The following OCIAD1 variants were observed in gnomAD, a reference collection of about 807,000 sequenced individuals.
The protein encoded by OCIAD1 is OCIA domain containing 1.
Under a neutral mutation model 38.9 loss-of-function variants are expected in OCIAD1, and 29 were observed. That is an observed-to-expected ratio of 0.74 (90% CI 0.55 to 1.02). OCIAD1 has a LOEUF of 1.02. OCIAD1 is among the 50% of genes least tolerant of loss of function. The pLI is 0.00. For missense variants in OCIAD1, 288 were observed against 289.6 expected (o/e 0.99, Z 0.04); for synonymous variants, 110 against 92.0 (o/e 1.20, Z -1.12).
intron 3 of OCIAD1, among the ~76,000 whole-genome samples, chr4:48,835,258 G>A (rs2109523338): frequency 1.3e-5 from 2 of 152,252 alleles, no homozygotes; most frequent in South Asian, 4.1e-4. Context: ...TATGTGGTGA[G>A]ACAAAGCTAA....
intron 6 of OCIAD1, 79 bp from the exon 7 acceptor site, chr4:48,851,727 G>GAAAGAAGTA: frequency 2.7e-6 from 2 of 740,116 alleles, no homozygotes; most frequent in Non-Finnish European, 4.4e-6. Context: ...TAAGCTATAT[G>GAAAGAAGTA]AAAGAAGTTA....
chr4:48,831,533 T>C, intron 1 of OCIAD1: 1 of 1,290,620 alleles, frequency 7.7e-7, no homozygotes. Flanking sequence ...TGGAGTGCGG[T>C]AATCAGCGGT....
At chr4:48,851,284 A>G (rs1321372867) in intron 6 of OCIAD1, among the ~76,000 whole-genome samples, 1 of 152,250 alleles carries the variant, frequency 6.6e-6, no homozygotes, top group Non-Finnish European at 1.5e-5. Context: ...ATTTTTCTAT[A>G]CTGACAGTGA....
At chr4:48,855,898 G>GAT (rs1470673024) in intron 7 of OCIAD1, 1 of 151,906 alleles carries the variant, frequency 6.6e-6, no homozygotes, top group African/African-American at 2.4e-5. Context: ...TATTCACTGG[G>GAT]ATCCTACCTT....
upstream of OCIAD1, among the ~76,000 whole-genome samples, chr4:48,829,665 T>G (rs1309221885): frequency 6.6e-6 from 1 of 152,194 alleles, no homozygotes; most frequent in Admixed American, 6.5e-5. Flanking sequence ...AAAAGCCACG[T>G]TGAACATCTG....
Position 48,831,159 on chromosome 4 carries a change from C to G in OCIAD1, c.-96C>G. 3.3e-6 allele frequency: 1 copy of G among 302,826 alleles called. No individual in the cohort carries two copies. The highest frequency in any genetic ancestry group is 2.7e-5 in the South Asian group (1 of 36,928). 18.8% of individuals were successfully genotyped at this position (302,826 alleles called of 1,614,324 possible). A position where few individuals can be genotyped will look rare whatever the true frequency, so the allele number is the denominator to read the frequency against. ...TCCCCGCGGTACCTTGCACTTTTCT[C>G]CCTCCCTGCCCCCTCTCGAGTCCAC... On this transcript the variant is annotated 5_prime_UTR_variant, in exon 1 of 9. Transcript: ENST00000264312.
At chr4:48,810,619 T>C (rs1400898763) in intron 1 of OCIAD1, among the ~76,000 whole-genome samples, 2 of 152,118 alleles carry the variant, frequency 1.3e-5, no homozygotes, top group African/African-American at 4.8e-5. Context: ...ATTTAGTCTT[T>C]TAGGAAATAT....
At chr4:48,856,575 G>A (rs1258904915) in intron 7 of OCIAD1, 1 of 152,132 alleles carries the variant, frequency 6.6e-6, no homozygotes, top group Admixed American at 6.6e-5. Context: ...TAGTAGAGAT[G>A]AGGTTTCTTG....
intron 1 of OCIAD1, among the ~76,000 whole-genome samples, chr4:48,805,510 G>A (rs1392304843): frequency 6.6e-6 from 1 of 151,600 alleles, no homozygotes; most frequent in Non-Finnish European, 1.5e-5. Flanking sequence ...ATCCTTTTTT[G>A]GTCAATTCTA....
At chr4:48,805,723 C>G (rs1777017746) in intron 1 of OCIAD1, among the ~76,000 whole-genome samples, 1 of 151,560 alleles carries the variant, frequency 6.6e-6, no homozygotes, top group Admixed American at 6.6e-5. Flanking sequence ...TCTCTTGTCC[C>G]TTTTACGCAA....
intron 1 of OCIAD1, among the ~76,000 whole-genome samples, chr4:48,806,126 G>A (rs930583166): frequency 6.6e-6 from 1 of 152,154 alleles, no homozygotes; most frequent in Admixed American, 6.6e-5. Flanking sequence ...AATTAGCCAT[G>A]CACGGTGGCA....
intron 1 of OCIAD1, among the ~76,000 whole-genome samples, chr4:48,813,099 C>T (rs1777107723): frequency 6.6e-6 from 1 of 152,292 alleles, no homozygotes; most frequent in East Asian, 1.9e-4. Context: ...GTCATGACCT[C>T]TATCTGGCAT....
chr4:48,857,433 T>C, intron 8 of OCIAD1, 68 bp downstream of exon 8: 1 of 961,826 alleles, frequency 1.0e-6, no homozygotes, highest in Non-Finnish European at 1.4e-6. Flanking sequence ...TTTAAAACAA[T>C]ACTATAAAAA....
chr4:48,825,231 G>A (rs1279518395), intron 1 of OCIAD1, among the ~76,000 whole-genome samples: 1 of 152,150 alleles, frequency 6.6e-6, no homozygotes, highest in African/African-American at 2.4e-5. Context: ...CACCTGCCTG[G>A]GGCCCCAGTC....
At chr4:48,848,041 G>A (rs1579089164) in intron 4 of OCIAD1, among the ~76,000 whole-genome samples, 1 of 148,242 alleles carries the variant, frequency 6.7e-6, no homozygotes, top group South Asian at 2.1e-4. Flanking sequence ...TTGTTCCTGG[G>A]TTTTGAGCGT....
chr4:48,847,706 T>G (rs962462879), intron 4 of OCIAD1, among the ~76,000 whole-genome samples: 2 of 152,002 alleles, frequency 1.3e-5, no homozygotes, highest in African/African-American at 4.8e-5. Context: ...GATCTGTTTC[T>G]GGACTCTTAG....
intron 1 of OCIAD1, among the ~76,000 whole-genome samples, chr4:48,813,036 T>C (rs1247314767): frequency 1.1e-4 from 17 of 152,082 alleles, no homozygotes; most frequent in Admixed American, 1.1e-3. Context: ...GTGTGTGTCA[T>C]AGAGGAAAAC....
chr4:48,854,296 G>A (rs1239679386), intron 7 of OCIAD1, among the ~76,000 whole-genome samples: 4 of 152,126 alleles, frequency 2.6e-5, no homozygotes, highest in Non-Finnish European at 5.9e-5. Context: ...ACAAAGGGAT[G>A]ATTCAAGTCC....
chr4:48,843,282 T>A (rs1373797230), intron 4 of OCIAD1, among the ~76,000 whole-genome samples: 1 of 152,178 alleles, frequency 6.6e-6, no homozygotes. Context: ...ATGTCTTGAG[T>A]CCTGCATTTA....
Sources: allele counts gnomAD v4.1 joint callset (sites outside exome capture counted in the v4.1 genomes callset), GRCh38; gene constraint gnomAD v4.1.1; transcripts MANE v1.5; gene names NCBI Gene and HGNC (gene_info 2026-07-23, HGNC 2026-07-21).